MDGA2: variants seen among roughly 807,000 people sequenced by gnomAD.
MDGA2 encodes the protein MAM domain containing glycosylphosphatidylinositol anchor 2.
MDGA2 carries 40 observed loss-of-function variants against 117.8 expected under a neutral mutation model. That is an observed-to-expected ratio of 0.34 (90% confidence interval 0.26 to 0.44). The LOEUF (loss-of-function observed/expected upper bound fraction) is 0.44, where lower values mean the gene tolerates loss of function less well. MDGA2 is among the 20% of genes least tolerant of loss of function. The pLI, the probability that MDGA2 is intolerant of heterozygous loss-of-function variation, is 1.00. For synonymous variants in MDGA2, 452 were observed against 439.0 expected, an observed-to-expected ratio of 1.03 and a Z score of -0.37; for missense variants, 1,123 against 1,250.6, an observed-to-expected ratio of 0.90 and a Z score of 1.54.
At chr14:47,523,824 A>G (rs1205400934) in intron 1 of MDGA2, among the ~76,000 whole-genome samples, 2 of 152,210 alleles carry the variant, frequency 1.3e-5, no homozygotes, top group Admixed American at 6.5e-5. Flanking sequence ...CTTTTGCCTT[A>G]GTTTGTCACT....
chr14:47,501,538 C>T (rs750617194), intron 1 of MDGA2, among the ~76,000 whole-genome samples: 1 of 152,108 alleles, frequency 6.6e-6, no homozygotes, highest in Non-Finnish European at 1.5e-5. Flanking sequence ...TCCTAACTCT[C>T]AATACCTCAG....
chr14:47,211,156 C>T (rs1885868681), intron 3 of MDGA2, among the ~76,000 whole-genome samples: 1 of 152,062 alleles, frequency 6.6e-6, no homozygotes, highest in Non-Finnish European at 1.5e-5. Flanking sequence ...CCAAACCCAC[C>T]ATCGTAACCA....
intron 1 of MDGA2, among the ~76,000 whole-genome samples, chr14:47,612,259 TTC>T (rs1290513787): frequency 7.8e-6 from 1 of 127,628 alleles, no homozygotes; most frequent in African/African-American, 2.8e-5. Context: ...TAGATAGATC[TTC>T]TGTGTTTTAT....
At chr14:47,513,131 T>G (rs1894677215) in intron 1 of MDGA2, among the ~76,000 whole-genome samples, 1 of 152,128 alleles carries the variant, frequency 6.6e-6, no homozygotes, top group Non-Finnish European at 1.5e-5. Context: ...ACAGAAACAA[T>G]GTTTCTTATA....
At chr14:47,455,764 AG>A (rs35583808) in intron 1 of MDGA2, among the ~76,000 whole-genome samples, 52,898 of 151,822 alleles carry the variant, frequency 0.35, 9,963 homozygotes, top group South Asian at 0.53. Flanking sequence ...TAGGAGGCCT[AG>A]GTGGGTGGAC....
In MDGA2 at chr14:47,627,667, T is replaced by A. The variant is rs1204723312; in HGVS notation, c.280+46850A>T. On this transcript the variant is annotated intron_variant, in intron 1 of 16. Coordinates refer to ENST00000399232, the MANE Select transcript of MDGA2 (RefSeq NM_001113498.3). Reference sequence around the variant, plus strand: ...CTGTAAAATGGACCAATCAGCAGGATGTGGGTAGGGCCGGATAAGAGAATA... The same window carrying A: ...CTGTAAAATGGACCAATCAGCAGGAAGTGGGTAGGGCCGGATAAGAGAATA... Among the ~76,000 whole-genome samples the A allele has an allele frequency of 4.6e-5, 7 of 152,172 alleles. No individual in the cohort carries two copies. In the East Asian group the frequency reaches 1.4e-3, roughly 29 times the overall value.
At chr14:47,092,611 C>G (rs1019186625) in intron 6 of MDGA2, among the ~76,000 whole-genome samples, 3 of 152,128 alleles carry the variant, frequency 2.0e-5, no homozygotes, top group African/African-American at 7.2e-5. Flanking sequence ...TCCATGGGAC[C>G]TGTCAGCTTT....
rs1566570520 is a variant in MDGA2, at chr14:47,675,039, C to CAG, written c.-244_-243insCT. 5 of 180,542 alleles carry CAG rather than the reference C, an allele frequency of 2.8e-5. No individual in the cohort carries two copies. Among genetic ancestry groups the CAG allele is most frequent in the Admixed American group, 6.2e-5 (1 of 16,034 alleles). 11.2% of individuals were successfully genotyped at this position (180,542 alleles called of 1,614,324 possible). ...GCCGGCGGCGGGCGCGGGCAGGGGG[C>CAG]CGGGGGTGCCGCGCGGTAGGAGCCT... is the stretch of plus-strand genomic sequence containing the variant. On this transcript the variant is annotated 5_prime_UTR_variant, in exon 1 of 17. Coordinates refer to ENST00000399232, the MANE Select transcript of MDGA2 (RefSeq NM_001113498.3).
intron 3 of MDGA2, among the ~76,000 whole-genome samples, chr14:47,148,850 C>T (rs1883050647): frequency 6.6e-6 from 1 of 152,090 alleles, no homozygotes; most frequent in South Asian, 2.1e-4. Flanking sequence ...GACTCTTACT[C>T]ACCCATTTTT....
intron 2 of MDGA2, among the ~76,000 whole-genome samples, chr14:47,235,792 T>C (rs1886838862): frequency 6.6e-6 from 1 of 152,156 alleles, no homozygotes; most frequent in South Asian, 2.1e-4. Context: ...ATCTGTCTTA[T>C]CCCTTCCTGT....
At chr14:47,487,598 T>A (rs572149532) in intron 1 of MDGA2, among the ~76,000 whole-genome samples, 21 of 152,304 alleles carry the variant, frequency 1.4e-4, no homozygotes, top group Non-Finnish European at 2.9e-4. Flanking sequence ...TATTATGTCA[T>A]CTAAATGACT....
intron 1 of MDGA2, among the ~76,000 whole-genome samples, chr14:47,451,370 C>T (rs202231443): frequency 1.4e-5 from 1 of 73,174 alleles, no homozygotes; most frequent in Admixed American, 1.7e-4. Context: ...GATTTTTTTT[C>T]CTGATCACTT....
At chr14:47,156,314 A>G (rs768641559) in intron 3 of MDGA2, among the ~76,000 whole-genome samples, 1 of 152,126 alleles carries the variant, frequency 6.6e-6, no homozygotes, top group Non-Finnish European at 1.5e-5. Flanking sequence ...CCTTCCTTAT[A>G]TTTACATCAA....
At chr14:46,979,073 T>C (rs974597768) in intron 8 of MDGA2, among the ~76,000 whole-genome samples, 1 of 152,182 alleles carries the variant, frequency 6.6e-6, no homozygotes, top group African/African-American at 2.4e-5. Flanking sequence ...AGCATAGTAC[T>C]CACTTTGTGT....
chr14:47,210,638 A>G (rs1418362916), intron 3 of MDGA2, among the ~76,000 whole-genome samples: 2 of 152,190 alleles, frequency 1.3e-5, no homozygotes, highest in Non-Finnish European at 2.9e-5. Context: ...AGGGTTCTCA[A>G]TAAGTGGCCA....
chr14:47,469,158 TTTC>T (rs765155209), intron 1 of MDGA2, among the ~76,000 whole-genome samples: 2 of 152,140 alleles, frequency 1.3e-5, no homozygotes, highest in African/African-American at 2.4e-5. Context: ...TTTCTTTTTT[TTTC>T]TTTTTTTATT....
chr14:46,845,215 T>C (rs1471502244), intron 16 of MDGA2, among the ~76,000 whole-genome samples: 1 of 152,188 alleles, frequency 6.6e-6, no homozygotes, highest in Non-Finnish European at 1.5e-5. Flanking sequence ...CACTTCCCCC[T>C]TCTCTCAGCA....
chr14:47,212,934 C>G (rs1885939228), intron 3 of MDGA2, among the ~76,000 whole-genome samples: 1 of 152,018 alleles, frequency 6.6e-6, no homozygotes. Flanking sequence ...TCAATCTGTC[C>G]CGGTTGCTTC....
At chr14:47,280,337 A>AG (rs1888443489) in intron 2 of MDGA2, among the ~76,000 whole-genome samples, 1 of 148,280 alleles carries the variant, frequency 6.7e-6, no homozygotes, top group Non-Finnish European at 1.5e-5. Context: ...AAAAAAAAAA[A>AG]AAAAAAAGAG....
Sources: allele counts gnomAD v4.1 joint callset (sites outside exome capture counted in the v4.1 genomes callset), GRCh38; gene constraint gnomAD v4.1.1; transcripts MANE v1.5; gene names NCBI Gene and HGNC (gene_info 2026-07-23, HGNC 2026-07-21).